Variants in SF1 observed in about 807,000 individuals in gnomAD.
SF1 encodes the protein branch point-binding protein.
In SF1, 7 loss-of-function variants were observed where a neutral mutation model predicts 62.5. That is an observed-to-expected ratio of 0.11 (90% CI 0.06 to 0.21). SF1 has a LOEUF of 0.21. Among genes scored for constraint, SF1 ranks in the 10% least tolerant of loss-of-function variants. SF1 has a pLI of 1.00. For synonymous variants in SF1, 394 were observed against 323.6 expected, an observed-to-expected ratio of 1.22 and a Z score of -2.33; for missense variants, 578 against 884.0, an observed-to-expected ratio of 0.65 and a Z score of 4.39.
intron 3 of SF1, chr11:64,773,212 G>A: frequency 2.9e-6 from 4 of 1,358,964 alleles, no homozygotes; most frequent in Non-Finnish European, 3.8e-6. Context: ...CCATTTTCCT[G>A]TAACTTTTTA....
chr11:64,764,865 G>A lies in SF1; in HGVS notation c.*953C>T, dbSNP rs1427101922. On this transcript the variant is annotated 3_prime_UTR_variant, in exon 13 of 13. Transcript: ENST00000377390. Reference sequence around the variant, plus strand: ...GGATTAAAACAAAACATAAAAGGAAGCCTTCCAGGAAGGAGAGGACCAAAT... The same window carrying A: ...GGATTAAAACAAAACATAAAAGGAAACCTTCCAGGAAGGAGAGGACCAAAT... 4 of 152,362 alleles carry A rather than the reference G, an allele frequency of 2.6e-5. No homozygotes were observed. Among genetic ancestry groups the A allele is most frequent in the Non-Finnish European group, 4.4e-5 (3 of 68,106 alleles). 9.4% of individuals were successfully genotyped at this position (152,362 alleles called of 1,614,324 possible).
At position 64,776,622 on chromosome 11, in the gene SF1, G is replaced by A. The variant is rs199902591; in HGVS notation, c.36C>T (p.Phe12=). 1 of 1,601,690 alleles carries A rather than the reference G, an allele frequency of 6.2e-7. No homozygotes were observed. The highest frequency in any genetic ancestry group is 8.5e-7 in the Non-Finnish European group (1 of 1,176,736). ...GGCTCCTCTTCCGCTTCTTACTTGG[G>A]AAGTCTAAAAGGCAGAGACAAAATC... ...ATGANATPLD[F]PSKKRKRSRW... The change falls in exon 2 of 13, where the codon TTC becomes TTT. Residue 12 remains phenylalanine, a synonymous_variant. Coordinates refer to ENST00000377390, the MANE Select transcript of SF1 (RefSeq NM_004630.4).
At chr11:64,774,996 G>A (rs551461706) in intron 2 of SF1, among the ~76,000 whole-genome samples, 2 of 151,834 alleles carry the variant, frequency 1.3e-5, no homozygotes, top group South Asian at 2.1e-4. Context: ...AGGGCATCCT[G>A]GACAAAGCAG....
chr11:64,778,131 G>A, intron 1 of SF1: 1 of 849,276 alleles, frequency 1.2e-6, no homozygotes, highest in African/African-American at 1.8e-5. Flanking sequence ...GACGGTGGCG[G>A]TGGAGGCGGC....
intron 12 of SF1, 45 bp from the exon 13 acceptor site, chr11:64,766,200 C>CGCGGCTGTCTGCG (rs2135877839): frequency 6.6e-7 from 1 of 1,512,852 alleles, no homozygotes; most frequent in East Asian, 2.4e-5. Flanking sequence ...GGGGGCACAC[C>CGCGGCTGTCTGCG]GCGGCTGTCT....
chr11:64,767,582 G>A lies in SF1; in HGVS notation c.1331C>T (p.Pro444Leu), dbSNP rs1191709704. 6 of 1,561,408 alleles carry A rather than the reference G, an allele frequency of 3.8e-6. No homozygotes were observed. The highest frequency in any genetic ancestry group is 5.2e-6 in the Non-Finnish European group (6 of 1,157,042). The change falls in exon 10 of 13, where the codon CCT becomes CTT. Residue 444 changes from proline to leucine, a missense_variant. Physicochemically the swap from Pro to Leu is moderately conservative, Grantham distance 98 (BLOSUM62 -3). Around this residue, in one of 7 missense-constraint regions of SF1, gnomAD observed 410 missense variants for 452.4 expected, o/e 0.91. Coordinates refer to ENST00000377390, the MANE Select transcript of SF1 (RefSeq NM_004630.4). The stretch of plus-strand genomic sequence containing the variant: ...TGACACTTACTTACCCATTGGAGGA[G>A]GGCCATGGTGCCCAGGAGGGTGGGG... Reference protein sequence around the residue: ...QGPHPPGHHGPPPMDQYLGST... With the variant: ...QGPHPPGHHGLPPMDQYLGST...
intron 1 of SF1, chr11:64,777,969 T>G (rs1444314753): frequency 7.1e-6 from 7 of 991,020 alleles, no homozygotes; most frequent in Admixed American, 6.2e-5. Context: ...CCTCTCGCGC[T>G]CTCTCGGCCC....
rs1481869425 is a variant in SF1 at position 64,767,603 on chromosome 11, T to TGGG, written c.1307_1309dup (p.Pro436dup). On this transcript the variant is annotated inframe_insertion, in exon 10 of 13. Transcript: ENST00000377390. ...AGGAGGGCCATGGTGCCCAGGAGGGTGGGGGCCCTGGTTCATCGGTGGTGG... is the reference window on the plus strand; with the variant it reads ...AGGAGGGCCATGGTGCCCAGGAGGGTGGGGGGGGCCCTGGTTCATCGGTGGTGG... 1.4e-5 allele frequency: 22 copies of TGGG among 1,577,814 alleles called. No homozygotes were observed. The Admixed American group carries it at 4.3e-4, about 31-fold the overall frequency.
intron 10 of SF1, 81 bp downstream of exon 10, chr11:64,767,490 C>T (rs952093750): frequency 7.5e-5 from 106 of 1,406,546 alleles, no homozygotes; most frequent in Non-Finnish European, 8.7e-5. Flanking sequence ...CACTTGAGAG[C>T]TGCTTCTAGC....
chr11:64,778,490 A>C lies in SF1; in HGVS notation c.-98T>G, dbSNP rs950436183. The C allele has an allele frequency of 8.5e-7, 1 of 1,172,054 alleles. No homozygotes were observed. The highest frequency in any genetic ancestry group is 1.1e-6 in the Non-Finnish European group (1 of 950,944). The allele number at this position is 1,172,054 out of a possible 1,614,324, so 72.6% of individuals were successfully genotyped here. A position where few individuals can be genotyped will look rare whatever the true frequency, so the allele number is the denominator to read the frequency against. ...GGAGGGGACCCGAATGCGCTGCCGG[A>C]GCGCGCGGAGCCCGTCCTCTCACGC... On this transcript the variant is annotated 5_prime_UTR_variant, in exon 1 of 13. Transcript: ENST00000377390.
chr11:64,777,720 CTA>C (rs1328714918), intron 1 of SF1: 2 of 985,566 alleles, frequency 2.0e-6, no homozygotes, highest in Admixed American at 6.1e-5. Flanking sequence ...GGCCCCCAGT[CTA>C]TACAGTTGCG....
At chr11:64,778,284 C>T in intron 1 of SF1, 78 bp downstream of exon 1, 5 of 1,214,588 alleles carry the variant, frequency 4.1e-6, no homozygotes, top group Non-Finnish European at 5.1e-6. Flanking sequence ...GCCCCAGGCC[C>T]GGGTGCAGGC....
intron 2 of SF1, 45 bp from the exon 3 acceptor site, chr11:64,773,550 G>C: frequency 1.3e-6 from 2 of 1,584,140 alleles, no homozygotes; most frequent in Non-Finnish European, 1.7e-6. Context: ...ATGGAAAAAA[G>C]ACAATGTTAC....
Position 64,767,859 on chromosome 11 carries a change from T to C in SF1, c.1069-15A>G. On this transcript the variant is annotated splice_polypyrimidine_tract_variant and intron_variant, in intron 9 of 12. Transcript: ENST00000377390. ...GACATGAGAGACTACGTGAGAGCAT[T>C]TCCTGCCAACGTCCCTGCCTGCGCC... 6.2e-7 allele frequency: 1 copy of C among 1,604,572 alleles called. No individual in the cohort carries two copies. Among genetic ancestry groups the C allele is most frequent in the Non-Finnish European group, 8.5e-7 (1 of 1,177,102 alleles).
rs2058639917 is a variant in SF1, at chr11:64,766,068, G to A, written c.1670C>T (p.Ala557Val). ...AGTGGGGTTGCCTTGCATCTGAGGG[G>A]CTCCTGGAGAAGCTGCGGCAGCCGC... ...QQAAAAASPG[A>V]PQMQGNPTMV... The change falls in exon 13 of 13, where the codon GCC becomes GTC. Residue 557 changes from alanine to valine, a missense_variant. Physicochemically the swap from Ala to Val is moderately conservative, Grantham distance 64. This residue lies in a region of SF1 where 410 missense variants were observed against 452.4 expected (regional missense o/e 0.91). Coordinates refer to ENST00000377390, the MANE Select transcript of SF1 (RefSeq NM_004630.4). 6.2e-7 allele frequency: 1 copy of A among 1,611,860 alleles called. No homozygotes were observed. Among genetic ancestry groups the A allele is most frequent in the Non-Finnish European group, 8.5e-7 (1 of 1,179,644 alleles).
At chr11:64,767,350 G>A in intron 10 of SF1, 99 bp from the exon 11 acceptor site, 1 of 1,269,098 alleles carries the variant, frequency 7.9e-7, no homozygotes, top group Non-Finnish European at 1.1e-6. Flanking sequence ...CGCGAGTTCT[G>A]AAAACCATGC....
At chr11:64,766,182 A>T in intron 12 of SF1, 27 bp from the exon 13 acceptor site, 1 of 1,592,986 alleles carries the variant, frequency 6.3e-7, no homozygotes. Flanking sequence ...GCCCAAGGTC[A>T]CACGCGCGGG....
At chr11:64,776,690 G>C in intron 1 of SF1, 64 bp from the exon 2 acceptor site, 3 of 1,497,386 alleles carry the variant, frequency 2.0e-6, no homozygotes, top group Middle Eastern at 1.7e-4. Context: ...ACAGCTAAGG[G>C]TATTTAAGGT....
intron 1 of SF1, chr11:64,778,145 G>A (rs1246214263): frequency 1.2e-6 from 1 of 857,086 alleles, no homozygotes; most frequent in Non-Finnish European, 1.4e-6. Context: ...AGGCGGCGGC[G>A]GCTGCTGGGG....
Sources: allele counts gnomAD v4.1 joint callset (sites outside exome capture counted in the v4.1 genomes callset), GRCh38; gene constraint gnomAD v4.1.1; regional missense constraint gnomAD v4.1.1; transcripts MANE v1.5; gene names NCBI Gene and HGNC (gene_info 2026-07-23, HGNC 2026-07-21).